LGI2: variants seen among roughly 807,000 people sequenced by gnomAD.
LGI2 encodes the protein leucine-rich repeat LGI family member 2.
A neutral mutation model predicts 52.0 loss-of-function variants in LGI2; 30 were observed. That is an observed-to-expected ratio of 0.58 (90% CI 0.43 to 0.78). LGI2 has a LOEUF of 0.78. Among genes scored for constraint, LGI2 ranks in the 30% least tolerant of loss-of-function variants. The pLI is 0.00. For missense variants in LGI2, 573 were observed against 692.5 expected, an observed-to-expected ratio of 0.83 and a Z score of 1.94; for synonymous variants, 270 against 271.8, an observed-to-expected ratio of 0.99 and a Z score of 0.06.
At chr4:25,008,932 C>G (rs907561839) in intron 7 of LGI2, among the ~76,000 whole-genome samples, 7 of 152,224 alleles carry the variant, frequency 4.6e-5, no homozygotes, top group Non-Finnish European at 1.5e-5. Context: ...GACTTCCTCC[C>G]CACCAGCTCT....
intron 4 of LGI2, among the ~76,000 whole-genome samples, chr4:25,020,687 G>A (rs1000062768): frequency 1.3e-5 from 2 of 152,104 alleles, no homozygotes; most frequent in African/African-American, 4.8e-5. Context: ...ACCTAGAGTC[G>A]GTTAGCTGGA....
Position 25,003,660 on chromosome 4 carries a change from A to G in LGI2, c.1429T>C (p.Tyr477His). ...GTATAGTCACTCCCCAGGGCCAGGT[A>G]GTGATTATCTTTAAAAGAAAAGGGC... ...LQPFSFKDNH[Y>H]LALGSDYTFS... is the part of the protein sequence containing the mutation. The change falls in exon 8 of 8, where the codon TAC becomes CAC. Residue 477 changes from tyrosine to histidine, a missense_variant. By Grantham distance (83) the Tyr-to-His change is moderately conservative. Coordinates refer to ENST00000382114, the MANE Select transcript of LGI2 (RefSeq NM_018176.4). The G allele has an allele frequency of 6.2e-7, 1 of 1,614,176 alleles. No homozygotes were observed.
At chr4:25,024,312 G>A (rs1385837714) in intron 4 of LGI2, among the ~76,000 whole-genome samples, 2 of 152,156 alleles carry the variant, frequency 1.3e-5, no homozygotes, top group African/African-American at 2.4e-5. Flanking sequence ...TCAGGAGTTC[G>A]AGACCAGCCT....
intron 6 of LGI2, among the ~76,000 whole-genome samples, chr4:25,016,924 C>T (rs1295596012): frequency 6.6e-6 from 1 of 152,154 alleles, no homozygotes; most frequent in African/African-American, 2.4e-5. Flanking sequence ...GCGGCCTGAT[C>T]CTCCTCTCTC....
intron 3 of LGI2, among the ~76,000 whole-genome samples, chr4:25,025,471 AG>A (rs1244266644): frequency 1.3e-5 from 2 of 152,206 alleles, no homozygotes; most frequent in African/African-American, 4.8e-5. Context: ...CTAAGCTACT[AG>A]GAAGTAGGAA....
chr4:25,003,531 TGTCGGTGGA>T lies in LGI2; in HGVS notation c.1549_1557del (p.Ser517_Asp519del). The T allele has an allele frequency of 6.2e-7, 1 of 1,612,650 alleles. No individual in the cohort carries two copies. Among genetic ancestry groups the T allele is most frequent in the Non-Finnish European group, 8.5e-7 (1 of 1,179,744 alleles). ...CTGGATGCAAAAAAGAAATCTCTCCTGTCGGTGGAGACAGCTGTGAATGAACGAGGCGCC... is the reference window on the plus strand; with the variant it reads ...CTGGATGCAAAAAAGAAATCTCTCCTGACAGCTGTGAATGAACGAGGCGCC... On this transcript the variant is annotated inframe_deletion, in exon 8 of 8. Transcript: ENST00000382114.
In LGI2 at chr4:24,999,858, C is replaced by A. The variant is rs922281662; in HGVS notation, c.*3593G>T. 1 of 456,154 alleles carries A rather than the reference C, an allele frequency of 2.2e-6. No individual in the cohort carries two copies. Among genetic ancestry groups the A allele is most frequent in the Admixed American group, 2.3e-5 (1 of 42,570 alleles). 28.3% of individuals were successfully genotyped at this position (456,154 alleles called of 1,614,324 possible). A position where few individuals can be genotyped will look rare whatever the true frequency, so the allele number is the denominator to read the frequency against. ...CGGCCGAGAGCAATTCATCACCACT[C>A]GTGCATTCAGGTTTTGAATTTTTCC... On this transcript the variant is annotated 3_prime_UTR_variant, in exon 8 of 8. Transcript: ENST00000382114.
At chr4:25,029,997 G>A (rs933009372) in intron 1 of LGI2, among the ~76,000 whole-genome samples, 1 of 152,108 alleles carries the variant, frequency 6.6e-6, no homozygotes, top group African/African-American at 2.4e-5. Flanking sequence ...ACCTGATGTG[G>A]GGCAGTGAGG....
intron 6 of LGI2, among the ~76,000 whole-genome samples, chr4:25,012,799 G>A (rs533245112): frequency 6.6e-6 from 1 of 152,358 alleles, no homozygotes; most frequent in South Asian, 2.1e-4. Flanking sequence ...GTGAGACTTG[G>A]CTTTCAAAGT....
intron 1 of LGI2, 96 bp from the exon 2 acceptor site, chr4:25,028,674 A>G (rs1308542747): frequency 1.9e-6 from 2 of 1,028,578 alleles, no homozygotes; most frequent in Non-Finnish European, 1.5e-6. Context: ...TGTACTTCAA[A>G]CCCTGACTCT....
chr4:25,028,078 G>T (rs879364749), intron 2 of LGI2, among the ~76,000 whole-genome samples: 1 of 152,178 alleles, frequency 6.6e-6, no homozygotes, highest in Non-Finnish European at 1.5e-5. Flanking sequence ...AATTACGCAC[G>T]TAAGTTCATA....
At chr4:24,994,385 A>G (rs1426245682), downstream of LGI2, among the ~76,000 whole-genome samples, 1 of 152,212 alleles carries the variant, frequency 6.6e-6, no homozygotes, top group African/African-American at 2.4e-5. Context: ...AGTTGACATT[A>G]GAGAAAAGGC....
chr4:24,994,539 C>T (rs1482904498), downstream of LGI2, among the ~76,000 whole-genome samples: 2 of 152,154 alleles, frequency 1.3e-5, no homozygotes, highest in Non-Finnish European at 2.9e-5. Context: ...AAACTGAACA[C>T]GCTAAAACCA....
Position 25,012,601 on chromosome 4 carries a change from G to A in LGI2, c.656-102C>T, listed in dbSNP as rs899475276. 10 of 1,239,938 alleles carry A rather than the reference G, an allele frequency of 8.1e-6. No individual in the cohort carries two copies. In the Admixed American group the frequency reaches 1.2e-4, roughly 15 times the overall value. 76.8% of individuals were successfully genotyped at this position (1,239,938 alleles called of 1,614,324 possible). A position where few individuals can be genotyped will look rare whatever the true frequency, so the allele number is the denominator to read the frequency against. On this transcript the variant is annotated intron_variant, in intron 6 of 7. Transcript: ENST00000382114. ...CATCACATCAGCTCTGAAAAGGACTGGGGAGGAGGAGGAGGATAGGAGAGA... is the reference window on the plus strand; with the variant it reads ...CATCACATCAGCTCTGAAAAGGACTAGGGAGGAGGAGGAGGATAGGAGAGA...
rs772573027 is a variant in LGI2, at chr4:25,004,319, G to C, written c.821-51C>G. The C allele has an allele frequency of 3.4e-6, 5 of 1,492,430 alleles. No homozygotes were observed. Among genetic ancestry groups the C allele is most frequent in the Non-Finnish European group, 3.6e-6 (4 of 1,100,298 alleles). The allele number at this position is 1,492,430 out of a possible 1,614,324, so 92.4% of individuals were successfully genotyped here. A position where few individuals can be genotyped will look rare whatever the true frequency, so the allele number is the denominator to read the frequency against. On this transcript the variant is annotated intron_variant, in intron 7 of 7. Coordinates refer to ENST00000382114, the MANE Select transcript of LGI2 (RefSeq NM_018176.4). The surrounding 1 kb of genome is among the most constrained non-coding windows in gnomAD (Gnocchi z 4.6). ...CATTAGTGCAACTACAGCTAAAAAC[G>C]CATCTCCGCTTGTACTCTTATACAC... is the stretch of plus-strand genomic sequence containing the variant.
At chr4:25,019,615 T>A (rs1044424901) in intron 4 of LGI2, among the ~76,000 whole-genome samples, 1 of 152,194 alleles carries the variant, frequency 6.6e-6, no homozygotes, top group South Asian at 2.1e-4. Flanking sequence ...AGTGGATCTC[T>A]GATCTAGCCA....
At chr4:25,016,761 T>C (rs1411937908) in intron 6 of LGI2, among the ~76,000 whole-genome samples, 2 of 152,218 alleles carry the variant, frequency 1.3e-5, no homozygotes, top group African/African-American at 4.8e-5. Flanking sequence ...AATATGATAT[T>C]TTGTTCTTGG....
At chr4:25,025,135 G>C (rs1410849847) in intron 3 of LGI2, among the ~76,000 whole-genome samples, 1 of 139,880 alleles carries the variant, frequency 7.1e-6, no homozygotes, top group Non-Finnish European at 1.6e-5. Context: ...AGAATTCTGA[G>C]CTGGCAACAT....
At chr4:25,011,819 A>G (rs1349937207) in intron 7 of LGI2, among the ~76,000 whole-genome samples, 1 of 152,114 alleles carries the variant, frequency 6.6e-6, no homozygotes, top group Non-Finnish European at 1.5e-5. Flanking sequence ...TCATATCCCA[A>G]ATGCCTAATT....
Sources: gnomAD v4.1 joint callset for allele counts (sites outside exome capture counted in the v4.1 genomes callset) on GRCh38, gnomAD v4.1.1 for gene constraint, Gnocchi (gnomAD v3.1) non-coding constraint, MANE v1.5 for transcripts, NCBI Gene and HGNC (gene_info 2026-07-23, HGNC 2026-07-21) for gene names.